The following PTK7 variants were observed in gnomAD, a reference collection of about 807,000 sequenced individuals.
PTK7 encodes inactive tyrosine-protein kinase 7.
In PTK7, 39 loss-of-function variants were observed where a neutral mutation model predicts 116.6. The observed-to-expected ratio is 0.33, with a 90% CI of 0.26 to 0.44. The LOEUF is 0.44. Ranked by LOEUF, PTK7 falls within the 20% of genes least tolerant of loss-of-function variation. The pLI is 1.00. For missense variants in PTK7, 1,169 were observed against 1,425.6 expected (o/e 0.82, Z 2.90); for synonymous variants, 546 against 563.6 (o/e 0.97, Z 0.44).
At chr6:43,144,939 CG>C (rs1770641241) in intron 15 of PTK7, 2 of 427,048 alleles carry the variant, frequency 4.7e-6, no homozygotes, top group African/African-American at 3.9e-5. Context: ...TCCTAGCATA[CG>C]TTAAGACATG....
chr6:43,160,705 G>C lies in PTK7; in HGVS notation c.3053-16G>C. On this transcript the variant is annotated splice_polypyrimidine_tract_variant and intron_variant, in intron 19 of 19. Transcript: ENST00000230419. ...GAATGTTTTGGCCAACACTGCACCT[G>C]CTGTCTTCCCTACAGATTTGCAGGC... is the stretch of plus-strand genomic sequence containing the variant. The C allele has an allele frequency of 6.2e-7, 1 of 1,613,604 alleles. No homozygotes were observed. Among genetic ancestry groups the C allele is most frequent in the Non-Finnish European group, 8.5e-7 (1 of 1,179,630 alleles).
intron 1 of PTK7, among the ~76,000 whole-genome samples, chr6:43,086,424 T>C (rs1328632292): frequency 6.6e-6 from 1 of 151,854 alleles, no homozygotes. Context: ...GGCTTTTTTT[T>C]TTTTTTGTCT....
At position 43,089,134 on chromosome 6, in the gene PTK7, C is replaced by G. The variant is rs560317914; in HGVS notation, c.79+12567C>G. On this transcript the variant is annotated intron_variant, in intron 1 of 19. Coordinates refer to ENST00000230419, the MANE Select transcript of PTK7 (RefSeq NM_002821.5). ...AAGTCTTTTAACCCTCAGGAGTGTT[C>G]AGGTGAGGTTGGATCATGACCTTGA... Among the ~76,000 whole-genome samples, 5 of 152,242 alleles carry G rather than the reference C, an allele frequency of 3.3e-5. No individual in the cohort carries two copies. In the South Asian group the frequency reaches 1.0e-3, roughly 32 times the overall value.
intron 1 of PTK7, among the ~76,000 whole-genome samples, chr6:43,128,495 C>T (rs1207119082): frequency 6.6e-6 from 1 of 152,218 alleles, no homozygotes; most frequent in Admixed American, 6.5e-5. Flanking sequence ...TTGAAAAGCT[C>T]TTCAGGGGGC....
intron 1 of PTK7, among the ~76,000 whole-genome samples, chr6:43,085,655 T>TGGGTGC (rs1766608082): frequency 6.6e-6 from 1 of 151,150 alleles, no homozygotes; most frequent in Admixed American, 6.6e-5. Context: ...TCATTTGGGC[T>TGGGTGC]GGGTGCGGTG....
intron 5 of PTK7, 110 bp from the exon 6 acceptor site, chr6:43,131,906 G>A: frequency 6.9e-7 from 1 of 1,445,312 alleles, no homozygotes. Flanking sequence ...CCTGTTCCTG[G>A]TCGATTCCTT....
Position 43,129,096 on chromosome 6 carries a change from C to T in PTK7, c.199C>T (p.Leu67Phe), listed in dbSNP as rs534029448. 1.4e-5 allele frequency: 23 copies of T among 1,614,030 alleles called. No homozygotes were observed. In the South Asian group the frequency reaches 1.5e-4, roughly 11 times the overall value. ...GGGCCCGGTACATGTGTACTGGCTG[C>T]TCGATGGGGCCCCTGTCCAGGACAC... ...APGPVHVYWL[L>F]DGAPVQDTER... Residue 67 changes from leucine to phenylalanine, a missense_variant, in exon 2 of 20, where the codon CTC (leucine) becomes TTC (phenylalanine). Coordinates refer to ENST00000230419, the MANE Select transcript of PTK7 (RefSeq NM_002821.5). This position sits in a 1 kb window ranked among gnomAD's most constrained non-coding sequence, Gnocchi z 4.5.
intron 1 of PTK7, among the ~76,000 whole-genome samples, chr6:43,086,966 T>C (rs1561933127): frequency 6.6e-6 from 1 of 152,264 alleles, no homozygotes; most frequent in Non-Finnish European, 1.5e-5. Flanking sequence ...GTGCACAACC[T>C]GTACAGTCAA....
At chr6:43,086,875 C>T (rs1419135281) in intron 1 of PTK7, among the ~76,000 whole-genome samples, 7 of 152,040 alleles carry the variant, frequency 4.6e-5, no homozygotes, top group African/African-American at 1.7e-4. Flanking sequence ...ACAAAAAAAC[C>T]CTTCCTCCAG....
Position 43,161,086 on chromosome 6 carries a change from G to A in PTK7, c.*205G>A. 1.4e-6 allele frequency: 1 copy of A among 692,418 alleles called. No individual in the cohort carries two copies. The highest frequency in any genetic ancestry group is 2.3e-5 in the South Asian group (1 of 43,712). 42.9% of individuals were successfully genotyped at this position (692,418 alleles called of 1,614,324 possible). ...GGAGGCTGACTTGGACCCAAACTGG[G>A]CGACTAGGGCTTTGAGCTGGGCAGT... is the stretch of plus-strand genomic sequence containing the variant. On this transcript the variant is annotated 3_prime_UTR_variant, in exon 20 of 20. Transcript: ENST00000230419.
In PTK7 at chr6:43,143,577, G is replaced by C; in HGVS notation, c.2208G>C (p.Gln736His). The part of the protein sequence containing the change: ...CKKRCKAKRL[Q>H]KQPEGEEPEM... ...AGCGCTGCAAAGCCAAGCGGCTGCA[G>C]AAGCAGCCCGAGGGCGAGGAGCCAG... Residue 736 changes from glutamine (Q) to histidine (H), a missense_variant, in exon 14 of 20, where the codon CAG (glutamine) becomes CAC (histidine). This residue lies in a region of PTK7 where 678 missense variants were observed against 853.8 expected (regional missense o/e 0.79). Transcript: ENST00000230419. The surrounding 1 kb of genome is among the most constrained non-coding windows in gnomAD (Gnocchi z 4.2). The C allele has an allele frequency of 6.2e-7, 1 of 1,613,356 alleles. No individual in the cohort carries two copies. Among genetic ancestry groups the C allele is most frequent in the Non-Finnish European group, 8.5e-7 (1 of 1,180,022 alleles).
At chr6:43,093,730 A>G (rs1275240538) in intron 1 of PTK7, among the ~76,000 whole-genome samples, 2 of 152,172 alleles carry the variant, frequency 1.3e-5, no homozygotes, top group Non-Finnish European at 2.9e-5. Flanking sequence ...TGTGTTTTGA[A>G]CAAAGAATTG....
At chr6:43,146,821 T>C in intron 17 of PTK7, 123 bp downstream of exon 17, 1 of 781,786 alleles carries the variant, frequency 1.3e-6, no homozygotes, top group Non-Finnish European at 2.1e-6. Flanking sequence ...TCACATGTGT[T>C]ACTGTAATTA....
chr6:43,110,913 G>A (rs912755700), intron 1 of PTK7, among the ~76,000 whole-genome samples: 7 of 152,154 alleles, frequency 4.6e-5, no homozygotes, highest in Non-Finnish European at 1.0e-4. Flanking sequence ...TCCTAGGATC[G>A]GAAAGCTGAA....
intron 1 of PTK7, among the ~76,000 whole-genome samples, chr6:43,100,214 T>G (rs1315366897): frequency 6.6e-6 from 1 of 152,056 alleles, no homozygotes; most frequent in Non-Finnish European, 1.5e-5. Context: ...AAACCCCGTC[T>G]CTACTAAAAA....
At chr6:43,157,364 A>ATATATATATATATATATATTT (rs70990168) in intron 17 of PTK7, among the ~76,000 whole-genome samples, 1 of 54,364 alleles carries the variant, frequency 1.8e-5, no homozygotes, top group Non-Finnish European at 3.3e-5. Context: ...ATATATATAT[A>ATATATATATATATATATATTT]TTTTTTTTTT....
intron 1 of PTK7, among the ~76,000 whole-genome samples, chr6:43,079,256 A>G (rs1766230178): frequency 6.6e-6 from 1 of 151,804 alleles, no homozygotes; most frequent in South Asian, 2.1e-4. Flanking sequence ...TCATGAGGTC[A>G]GGAGATTGAG....
Position 43,101,004 on chromosome 6 carries a change from G to A in PTK7, c.79+24437G>A, listed in dbSNP as rs1011054404. Reference sequence around the variant, plus strand: ...TCCCAGCACTTTGGGAGGCCGAGGCGGGCAGATCACTTGAGGTCCAGAGTT... The same window carrying A: ...TCCCAGCACTTTGGGAGGCCGAGGCAGGCAGATCACTTGAGGTCCAGAGTT... On this transcript the variant is annotated intron_variant, in intron 1 of 19. Coordinates refer to ENST00000230419, the MANE Select transcript of PTK7 (RefSeq NM_002821.5). Among the ~76,000 whole-genome samples the A allele has an allele frequency of 3.3e-5, 5 of 152,014 alleles. No homozygotes were observed. The East Asian group carries it at 7.7e-4, about 23-fold the overall frequency.
At chr6:43,152,255 A>G (rs1281080239) in intron 17 of PTK7, among the ~76,000 whole-genome samples, 2 of 151,028 alleles carry the variant, frequency 1.3e-5, no homozygotes, top group African/African-American at 2.4e-5. Flanking sequence ...CAAAGCAGCC[A>G]GGCACAGTGG....
Sources: allele counts gnomAD v4.1 joint callset (sites outside exome capture counted in the v4.1 genomes callset), GRCh38; gene constraint gnomAD v4.1.1; regional missense constraint gnomAD v4.1.1; non-coding constraint Gnocchi (gnomAD v3.1); transcripts MANE v1.5; gene names NCBI Gene and HGNC (gene_info 2026-07-23, HGNC 2026-07-21).